The following DACH2 variants were observed in gnomAD, a reference collection of about 807,000 sequenced individuals.
DACH2 encodes dachshund homolog 2.
Under a neutral mutation model 35.8 loss-of-function variants are expected in DACH2, and 17 were observed. The ratio of observed to expected loss-of-function variants is 0.48; its 90% CI spans 0.33 to 0.71. The LOEUF is 0.71. Ranked by LOEUF, DACH2 falls within the 30% of genes least tolerant of loss-of-function variation. The pLI is 0.02. For missense variants in DACH2, 469 were observed against 472.7 expected (o/e 0.99, Z 0.07); for synonymous variants, 195 against 177.3 (o/e 1.10, Z -0.79).
chrX:86,543,705 G>A (rs1427854326), intron 3 of DACH2, among the ~76,000 whole-genome samples: 1 of 109,387 alleles, frequency 9.1e-6, no homozygotes, highest in Non-Finnish European at 1.9e-5. Flanking sequence ...TGAGAATGAT[G>A]ATTTCCAATT....
At chrX:86,802,223 T>C (rs746104337) in intron 7 of DACH2, among the ~76,000 whole-genome samples, 3 of 111,026 alleles carry the variant, frequency 2.7e-5, no homozygotes, top group Non-Finnish European at 3.8e-5. Context: ...TTATTAGAAA[T>C]TCGAATTGCC....
chrX:86,476,092 G>A (rs780449227), intron 2 of DACH2, among the ~76,000 whole-genome samples: 68 of 111,575 alleles, frequency 6.1e-4, no homozygotes, highest in African/African-American at 2.1e-3. Context: ...ATTTTGTTGA[G>A]GATTTTTGCA....
chrX:86,484,303 C>T (rs990202359), intron 2 of DACH2, among the ~76,000 whole-genome samples: 1 of 111,642 alleles, frequency 9.0e-6, no homozygotes, highest in African/African-American at 3.3e-5. Context: ...GTGCTTGGGG[C>T]TCTGCAGATG....
intron 6 of DACH2, among the ~76,000 whole-genome samples, chrX:86,726,268 C>A (rs1055191875): frequency 1.8e-5 from 2 of 111,166 alleles, no homozygotes; most frequent in African/African-American, 6.6e-5. Flanking sequence ...CAGTCTCCTC[C>A]CTCTTCAGCC....
chrX:86,418,339 T>G (rs1270974873), intron 2 of DACH2, among the ~76,000 whole-genome samples: 2 of 112,420 alleles, frequency 1.8e-5, no homozygotes, highest in African/African-American at 6.5e-5. Context: ...AGTTCCCTTT[T>G]TCACTGCCCT....
At chrX:86,167,863 A>G (rs2030996112) in intron 1 of DACH2, among the ~76,000 whole-genome samples, 1 of 111,312 alleles carries the variant, frequency 9.0e-6, no homozygotes, top group Non-Finnish European at 1.9e-5. Context: ...ATTCTTCTTG[A>G]TATTAATTTC....
intron 1 of DACH2, among the ~76,000 whole-genome samples, chrX:86,282,177 A>G (rs2034042942): frequency 8.9e-6 from 1 of 111,945 alleles, no homozygotes; most frequent in Non-Finnish European, 1.9e-5. Context: ...AACCAAAAAA[A>G]AGAGCTCATA....
intron 2 of DACH2, among the ~76,000 whole-genome samples, chrX:86,422,239 G>T (rs1223129162): frequency 9.0e-6 from 1 of 111,060 alleles, no homozygotes; most frequent in Non-Finnish European, 1.9e-5. Flanking sequence ...GGAAAAAAAG[G>T]TGCAGATCCA....
intron 5 of DACH2, among the ~76,000 whole-genome samples, chrX:86,704,194 G>A (rs1231851081): frequency 9.0e-6 from 1 of 111,506 alleles, no homozygotes; most frequent in African/African-American, 3.3e-5. Context: ...TAAATTGGGG[G>A]AAAGGGAACC....
At chrX:86,347,254 A>G (rs964339887) in intron 1 of DACH2, among the ~76,000 whole-genome samples, 2 of 112,583 alleles carry the variant, frequency 1.8e-5, no homozygotes, top group African/African-American at 6.4e-5. Context: ...TGTCTCTCAA[A>G]GTATTTTGCT....
At chrX:86,826,846 G>T (rs994915132) in intron 11 of DACH2, among the ~76,000 whole-genome samples, 3 of 112,350 alleles carry the variant, frequency 2.7e-5, no homozygotes, top group African/African-American at 9.7e-5. Flanking sequence ...TGACCTTCAA[G>T]AGATTATCTT....
At chrX:86,467,997 T>G in intron 2 of DACH2, among the ~76,000 whole-genome samples, 1 of 111,003 alleles carries the variant, frequency 9.0e-6, no homozygotes. Flanking sequence ...CAAGATGAGA[T>G]TTGGGTGGGG....
At chrX:86,648,940 C>G (rs1380201796) in intron 3 of DACH2, among the ~76,000 whole-genome samples, 1 of 109,793 alleles carries the variant, frequency 9.1e-6, no homozygotes, top group Admixed American at 9.7e-5. Context: ...AGATCGTATC[C>G]TTTAGAGATT....
At chrX:86,435,505 A>C (rs1050507322) in intron 2 of DACH2, among the ~76,000 whole-genome samples, 1 of 112,068 alleles carries the variant, frequency 8.9e-6, no homozygotes, top group African/African-American at 3.2e-5. Flanking sequence ...AATGTGACTT[A>C]AAAATATTAT....
rs1052716009 is a variant in DACH2 at position 86,161,021 on chromosome X, G to A, written c.488+11913G>A. On this transcript the variant is annotated intron_variant, in intron 1 of 11. Transcript: ENST00000373125. The stretch of plus-strand genomic sequence containing the variant: ...CTTTACAGGTGACTTTCCATCCCTT[G>A]AACGAAGGCACGTTAGCAGTTGCCT... 3 of 969,238 alleles carry A rather than the reference G, an allele frequency of 3.1e-6. No individual in the cohort carries two copies. In the African/African-American group the frequency reaches 5.7e-5, roughly 19 times the overall value. 79.9% of individuals were successfully genotyped at this position (969,238 alleles called of 1,213,427 possible).
At chrX:86,237,783 G>A (rs1352918156) in intron 1 of DACH2, among the ~76,000 whole-genome samples, 1 of 111,933 alleles carries the variant, frequency 8.9e-6, no homozygotes, top group African/African-American at 3.2e-5. Flanking sequence ...ATGGACACTG[G>A]CTCCCTGTGA....
chrX:86,745,373 G>A (rs959177549), intron 7 of DACH2, among the ~76,000 whole-genome samples: 5 of 111,279 alleles, frequency 4.5e-5, no homozygotes, highest in Admixed American at 2.9e-4. Flanking sequence ...CAGGTAATAA[G>A]CATTGTATCT....
intron 1 of DACH2, among the ~76,000 whole-genome samples, chrX:86,286,607 A>G (rs987374900): frequency 9.0e-6 from 1 of 110,542 alleles, no homozygotes; most frequent in Non-Finnish European, 1.9e-5. Context: ...TGCTTTATAT[A>G]TATATTTTGG....
At chrX:86,441,331 T>A (rs183555104) in intron 2 of DACH2, among the ~76,000 whole-genome samples, 103 of 111,429 alleles carry the variant, frequency 9.2e-4, no homozygotes, top group African/African-American at 3.2e-3. Flanking sequence ...TAGTTCGACG[T>A]TTTGATTTTT....
Sources: gnomAD v4.1 joint callset for allele counts (sites outside exome capture counted in the v4.1 genomes callset) on GRCh38, gnomAD v4.1.1 for gene constraint, MANE v1.5 for transcripts, NCBI Gene and HGNC (gene_info 2026-07-23, HGNC 2026-07-21) for gene names.